KHDRBS1: variants seen among roughly 807,000 people sequenced by gnomAD.
KHDRBS1 encodes the protein KH domain-containing, RNA-binding, signal transduction-associated protein 1.
A neutral mutation model predicts 48.4 loss-of-function variants in KHDRBS1; 7 were observed. The ratio of observed to expected loss-of-function variants is 0.14; its 90% confidence interval spans 0.08 to 0.27. KHDRBS1 has a LOEUF of 0.27. KHDRBS1 is among the 10% of genes least tolerant of loss of function. The pLI is 1.00. For missense variants in KHDRBS1, 458 were observed against 601.2 expected, an observed-to-expected ratio of 0.76 and a Z score of 2.49; for synonymous variants, 241 against 235.8, an observed-to-expected ratio of 1.02 and a Z score of -0.20.
intron 8 of KHDRBS1, among the ~76,000 whole-genome samples, chr1:32,040,232 G>A (rs1172746543): frequency 6.6e-6 from 1 of 152,072 alleles, no homozygotes; most frequent in African/African-American, 2.4e-5. Context: ...TGGCCAAGAT[G>A]GTGAAACCCT....
intron 1 of KHDRBS1, among the ~76,000 whole-genome samples, chr1:32,016,129 G>C (rs1365739421): frequency 2.0e-5 from 3 of 148,948 alleles, no homozygotes; most frequent in Non-Finnish European, 4.4e-5. Context: ...AGGGAGCCCA[G>C]ATTGCGCCAT....
chr1:32,039,476 T>TA, intron 7 of KHDRBS1, 39 bp from the exon 8 acceptor site: 1 of 918,950 alleles, frequency 1.1e-6, no homozygotes, highest in Non-Finnish European at 1.8e-6. Flanking sequence ...GAAACATAGT[T>TA]ACTCTGTAGC....
rs1338054731 is a variant in KHDRBS1, at chr1:32,017,552, A to G, written c.382+3175A>G. ...TTTACCTTATTGTGTTAATATATTTATATAGTAAGTAAAATGCTGTTGTAT... is the reference window on the plus strand; with the variant it reads ...TTTACCTTATTGTGTTAATATATTTGTATAGTAAGTAAAATGCTGTTGTAT... On this transcript the variant is annotated intron_variant, in intron 1 of 8. Transcript: ENST00000327300. Among the ~76,000 whole-genome samples the G allele has an allele frequency of 2.7e-5, 4 of 149,906 alleles. No individual in the cohort carries two copies. The South Asian group carries it at 6.3e-4, about 24-fold the overall frequency.
chr1:32,043,811 T>A lies in KHDRBS1; in HGVS notation c.*1187T>A, dbSNP rs1241444885. The A allele has an allele frequency of 6.5e-6, 1 of 152,672 alleles. No homozygotes were observed. Among genetic ancestry groups the A allele is most frequent in the Non-Finnish European group, 1.5e-5 (1 of 68,030 alleles). 9.5% of individuals were successfully genotyped at this position (152,672 alleles called of 1,614,324 possible). On this transcript the variant is annotated 3_prime_UTR_variant, in exon 9 of 9. Coordinates refer to ENST00000327300, the MANE Select transcript of KHDRBS1 (RefSeq NM_006559.3). ...ACATGTGTAAGTCTGCCTAAATAGG[T>A]AGCTTAAACTTATGTCAAAATGTCT...
intron 10 of KHDRBS1, among the ~76,000 whole-genome samples, chr1:32,059,182 AAAC>A (rs1224289886): frequency 2.0e-5 from 3 of 150,220 alleles, no homozygotes; most frequent in African/African-American, 7.5e-5. Context: ...AAAAAAAAAA[AAAC>A]AAAACCTTTT....
intron 4 of KHDRBS1, among the ~76,000 whole-genome samples, chr1:32,036,142 T>C (rs998078806): frequency 2.6e-5 from 4 of 151,584 alleles, no homozygotes; most frequent in Non-Finnish European, 5.9e-5. Context: ...TCTGCCTACT[T>C]ATTTCAGGGT....
At chr1:32,032,524 A>C (rs1322330400) in intron 3 of KHDRBS1, among the ~76,000 whole-genome samples, 1 of 152,112 alleles carries the variant, frequency 6.6e-6, no homozygotes. Context: ...ATTTAAAAAC[A>C]AATGCTTGGC....
chr1:32,015,131 A>C (rs1277344512), intron 1 of KHDRBS1, among the ~76,000 whole-genome samples: 1 of 152,196 alleles, frequency 6.6e-6, no homozygotes, highest in Admixed American at 6.5e-5. Context: ...CGAGATGGAC[A>C]GAAATTGAGA....
chr1:32,022,509 G>A (rs568098927), intron 1 of KHDRBS1, among the ~76,000 whole-genome samples: 1 of 152,276 alleles, frequency 6.6e-6, no homozygotes, highest in Admixed American at 6.5e-5. Context: ...TTTTAGAGCA[G>A]TTCTGAGAAT....
chr1:32,040,548 G>A (rs960032688), intron 8 of KHDRBS1, among the ~76,000 whole-genome samples: 7 of 152,196 alleles, frequency 4.6e-5, no homozygotes, highest in African/African-American at 1.7e-4. Context: ...GAGAGCTATG[G>A]AGGCTGCAAC....
rs1226791830 is a variant in KHDRBS1 at position 32,049,037 on chromosome 1, CTTTTTGTTTTT to C, written n.1301+3661_1301+3671del. On this transcript the variant is annotated intron_variant and non_coding_transcript_variant, in intron 10 of 10. Coordinates refer to the KHDRBS1 transcript ENST00000484270. ...TAAGTGGTCTTCTGTGACTGGCTTCCTTTTTGTTTTTTTTTTGTTTTTTTGGTTTTTTTTTG... is the reference window on the plus strand; with the variant it reads ...TAAGTGGTCTTCTGTGACTGGCTTCCTTTTTGTTTTTTTGGTTTTTTTTTG... Among the ~76,000 whole-genome samples, 21 of 150,570 alleles carry C rather than the reference CTTTTTGTTTTT, an allele frequency of 1.4e-4. No homozygotes were observed. The South Asian group carries it at 1.7e-3, about 12-fold the overall frequency.
chr1:32,037,000 G>A lies in KHDRBS1; in HGVS notation c.862G>A (p.Val288Met). The A allele has an allele frequency of 6.2e-7, 1 of 1,614,174 alleles. No homozygotes were observed. Among genetic ancestry groups the A allele is most frequent in the Non-Finnish European group, 8.5e-7 (1 of 1,180,020 alleles). Residue 288 changes from valine to methionine, a missense_variant, in exon 5 of 9, where the codon GTG becomes ATG. Physicochemically the swap from Val to Met is conservative, Grantham distance 21. Transcript: ENST00000327300. ...PEPSRGRGVP[V>M]RGRGAAPPPP... is the part of the protein sequence containing the mutation. ...ACCCTCTCGTGGACGTGGGGTGCCA[G>A]TGAGAGGCCGGGGAGCTGCACCTCC...
intron 8 of KHDRBS1, among the ~76,000 whole-genome samples, chr1:32,040,402 GT>G (rs1473848440): frequency 2.3e-4 from 35 of 150,830 alleles, no homozygotes; most frequent in African/African-American, 8.4e-4. Flanking sequence ...GGCAACAAAA[GT>G]CCGTCTCAAA....
chr1:32,030,164 GTTTC>G, intron 1 of KHDRBS1, 130 bp from the exon 2 acceptor site: 1 of 635,026 alleles, frequency 1.6e-6, no homozygotes, highest in Non-Finnish European at 2.6e-6. Flanking sequence ...CTTTCAGCTA[GTTTC>G]TTTCTGAAAT....
At chr1:32,055,197 C>G (rs900208579) in intron 10 of KHDRBS1, among the ~76,000 whole-genome samples, 4 of 152,100 alleles carry the variant, frequency 2.6e-5, no homozygotes, top group African/African-American at 9.7e-5. Flanking sequence ...CGCCGGTAAT[C>G]CCAGCACTTT....
At position 32,014,356 on chromosome 1, in the gene KHDRBS1, G is replaced by T; in HGVS notation, c.361G>T (p.Ala121Ser). ...CTCGCTCGACCCGTCCTTCACTCAC[G>T]CCATGCAGCTGCTGACGGCAGGTAA... ...KDSLDPSFTHAMQLLTAEIEK... is the reference protein window; with the variant it reads ...KDSLDPSFTHSMQLLTAEIEK... The change falls in exon 1 of 9, where the codon GCC (alanine) becomes TCC (serine). Residue 121 changes from alanine to serine, a missense_variant. Ala to Ser is a moderately conservative substitution (Grantham distance 99). Transcript: ENST00000327300. 6.7e-7 allele frequency: 1 copy of T among 1,502,776 alleles called. No individual in the cohort carries two copies. Among genetic ancestry groups the T allele is most frequent in the Admixed American group, 2.0e-5 (1 of 49,620 alleles). 93.1% of individuals were successfully genotyped at this position (1,502,776 alleles called of 1,614,324 possible).
intron 1 of KHDRBS1, among the ~76,000 whole-genome samples, chr1:32,017,999 C>T (rs1358876391): frequency 6.6e-6 from 1 of 152,172 alleles, no homozygotes; most frequent in Non-Finnish European, 1.5e-5. Context: ...TGCAAAAGAT[C>T]TTGGAGAGAT....
At position 32,042,676 on chromosome 1, in the gene KHDRBS1, C is replaced by G; in HGVS notation, c.*52C>G. The stretch of plus-strand genomic sequence containing the variant: ...TTATGAGCAAAGTTGTTACTGATTT[C>G]TTGTATCTCCCAGGATTCCTGTTGC... On this transcript the variant is annotated 3_prime_UTR_variant, in exon 9 of 9. Coordinates refer to ENST00000327300, the MANE Select transcript of KHDRBS1 (RefSeq NM_006559.3). The G allele has an allele frequency of 9.1e-7, 1 of 1,100,856 alleles. No homozygotes were observed. The highest frequency in any genetic ancestry group is 1.4e-6 in the Non-Finnish European group (1 of 723,610). The allele number at this position is 1,100,856 out of a possible 1,614,324, so 68.2% of individuals were successfully genotyped here.
Position 32,038,006 on chromosome 1 carries a change from A to G in KHDRBS1, c.1077A>G (p.Pro359=), listed in dbSNP as rs757593229. 3.7e-6 allele frequency: 6 copies of G among 1,614,018 alleles called. No homozygotes were observed. The African/African-American group carries it at 6.7e-5, about 18-fold the overall frequency. ...TAGIQRIPLP[P]PPAPETYEEY... is the part of the protein sequence containing the mutation. The stretch of plus-strand genomic sequence containing the variant: ...GCATCCAGAGGATACCTTTGCCTCC[A>G]CCTCCTGCACCAGAAACATATGAAG... The change falls in exon 6 of 9, where the codon CCA becomes CCG. Residue 359 remains proline (P), a synonymous_variant. Coordinates refer to ENST00000327300, the MANE Select transcript of KHDRBS1 (RefSeq NM_006559.3).
Sources: gnomAD v4.1 joint callset for allele counts (sites outside exome capture counted in the v4.1 genomes callset) on GRCh38, gnomAD v4.1.1 for gene constraint, MANE v1.5 for transcripts, NCBI Gene and HGNC (gene_info 2026-07-23, HGNC 2026-07-21) for gene names.